Variants in CTNNA3 observed in about 807,000 individuals in gnomAD.
The protein encoded by CTNNA3 is catenin alpha-3.
A neutral mutation model predicts 95.7 loss-of-function variants in CTNNA3; 76 were observed. That is an observed-to-expected ratio of 0.79 (90% CI 0.66 to 0.96). CTNNA3 has a LOEUF of 0.96. Ranked by LOEUF, CTNNA3 falls within the 40% of genes least tolerant of loss-of-function variation. The pLI is 0.00. For synonymous variants in CTNNA3, 431 were observed against 374.4 expected, an observed-to-expected ratio of 1.15 and a Z score of -1.74; for missense variants, 1,191 against 1,089.8, an observed-to-expected ratio of 1.09 and a Z score of -1.31.
intron 11 of CTNNA3, among the ~76,000 whole-genome samples, chr10:66,454,715 T>A (rs4745898): frequency 0.39 from 58,872 of 151,078 alleles, 12,171 homozygotes; most frequent in African/African-American, 0.53. Context: ...ACACTTTCCA[T>A]TTCATTTTAT....
intron 3 of CTNNA3, among the ~76,000 whole-genome samples, chr10:67,563,568 G>T (rs1589431105): frequency 6.6e-6 from 1 of 152,122 alleles, no homozygotes. Context: ...TTACCATTCA[G>T]GACATAGGCA....
intron 14 of CTNNA3, among the ~76,000 whole-genome samples, chr10:66,082,854 A>T (rs2080815975): frequency 6.6e-6 from 1 of 152,122 alleles, no homozygotes. Context: ...GATGGGCCCC[A>T]TCTGTCCTTT....
At chr10:67,230,105 T>C (rs867205542) in intron 5 of CTNNA3, among the ~76,000 whole-genome samples, 1 of 152,158 alleles carries the variant, frequency 6.6e-6, no homozygotes, top group Non-Finnish European at 1.5e-5. Flanking sequence ...AACAGAGTGG[T>C]ACTGGTATAA....
intron 16 of CTNNA3, among the ~76,000 whole-genome samples, chr10:65,986,085 C>T (rs778172707): frequency 1.3e-5 from 2 of 151,196 alleles, no homozygotes; most frequent in Non-Finnish European, 3.0e-5. Context: ...TGTAATAAAA[C>T]ATTGCTATTA....
chr10:66,826,050 G>A (rs1349569972), intron 7 of CTNNA3, among the ~76,000 whole-genome samples: 1 of 152,146 alleles, frequency 6.6e-6, no homozygotes, highest in African/African-American at 2.4e-5. Context: ...GGGGAGGAGT[G>A]AAAGGAACTT....
intron 7 of CTNNA3, among the ~76,000 whole-genome samples, chr10:66,893,443 C>T (rs1173996374): frequency 6.6e-6 from 1 of 151,388 alleles, no homozygotes; most frequent in African/African-American, 2.4e-5. Flanking sequence ...CAGAGAATTG[C>T]CAATAAAAGA....
At chr10:67,089,128 G>T (rs1035385518) in intron 7 of CTNNA3, among the ~76,000 whole-genome samples, 1 of 151,904 alleles carries the variant, frequency 6.6e-6, no homozygotes, top group African/African-American at 2.4e-5. Context: ...CCCCCCATAG[G>T]TTTTGCTATC....
At chr10:66,423,557 C>T (rs1047293316) in intron 11 of CTNNA3, among the ~76,000 whole-genome samples, 1 of 152,098 alleles carries the variant, frequency 6.6e-6, no homozygotes, top group Non-Finnish European at 1.5e-5. Flanking sequence ...CATTCCAACC[C>T]TAAGATAAAT....
At chr10:66,323,682 G>GGC (rs1237072960) in intron 12 of CTNNA3, among the ~76,000 whole-genome samples, 1 of 151,286 alleles carries the variant, frequency 6.6e-6, no homozygotes, top group African/African-American at 2.4e-5. Flanking sequence ...AGAAGAAGAG[G>GGC]GCAGTTCCCC....
At chr10:67,206,885 C>T (rs1863924614) in intron 6 of CTNNA3, among the ~76,000 whole-genome samples, 1 of 152,068 alleles carries the variant, frequency 6.6e-6, no homozygotes, top group South Asian at 2.1e-4. Context: ...AATCCCAGCA[C>T]TTTGGGAGGC....
intron 7 of CTNNA3, among the ~76,000 whole-genome samples, chr10:66,874,349 T>C (rs1035421951): frequency 6.6e-6 from 1 of 152,164 alleles, no homozygotes; most frequent in African/African-American, 2.4e-5. Context: ...ATTGAACCTC[T>C]TACAAGTTTT....
At chr10:66,763,599 C>T (rs1839712263) in intron 9 of CTNNA3, among the ~76,000 whole-genome samples, 1 of 152,138 alleles carries the variant, frequency 6.6e-6, no homozygotes, top group Admixed American at 6.6e-5. Flanking sequence ...ACCACAAATA[C>T]TTTGCTATTC....
At chr10:66,553,440 C>CT (rs35849546) in intron 10 of CTNNA3, among the ~76,000 whole-genome samples, 136,346 of 139,718 alleles carry the variant, frequency 0.98, 66,534 homozygotes, top group East Asian at 1. Context: ...TGAAGCATAT[C>CT]TTTTTTTTTT....
chr10:67,405,322 C>A (rs1417028876), intron 5 of CTNNA3, among the ~76,000 whole-genome samples: 1 of 152,072 alleles, frequency 6.6e-6, no homozygotes, highest in East Asian at 1.9e-4. Flanking sequence ...AAAACATACA[C>A]AGGCTAAAAA....
chr10:66,933,578 G>A (rs1050016599), intron 7 of CTNNA3, among the ~76,000 whole-genome samples: 1 of 152,086 alleles, frequency 6.6e-6, no homozygotes, highest in South Asian at 2.1e-4. Context: ...GGATTAGCAC[G>A]CATTCCAGGT....
intron 13 of CTNNA3, among the ~76,000 whole-genome samples, chr10:66,222,264 T>C (rs1277827781): frequency 6.6e-6 from 1 of 152,120 alleles, no homozygotes; most frequent in African/African-American, 2.4e-5. Context: ...CTTATGGAAA[T>C]GACACCCACC....
intron 5 of CTNNA3, among the ~76,000 whole-genome samples, chr10:67,255,298 A>AAAT (rs1443384377): frequency 7.0e-6 from 1 of 143,142 alleles, no homozygotes; most frequent in African/African-American, 2.5e-5. Flanking sequence ...TCCATCTCAA[A>AAAT]AATAAATAAA....
rs947262301 is a variant in CTNNA3, at chr10:67,126,704, G to A, written c.1047+53613C>T. On this transcript the variant is annotated intron_variant, in intron 7 of 17. Coordinates refer to ENST00000433211, the MANE Select transcript of CTNNA3 (RefSeq NM_013266.4). ...CTCTACTTTCAAAGTGTGGTTAAGA[G>A]ATAGGTGGTGGTTGAGAAACCTCCT... 2.0e-5 allele frequency among the ~76,000 whole-genome samples: 3 copies of A among 152,236 alleles called. No individual in the cohort carries two copies. The East Asian group carries it at 5.8e-4, about 29-fold the overall frequency.
chr10:66,430,010 T>C (rs1161392677), intron 11 of CTNNA3, among the ~76,000 whole-genome samples: 2 of 137,150 alleles, frequency 1.5e-5, no homozygotes, highest in Non-Finnish European at 1.6e-5. Context: ...AACCCCATCA[T>C]CTCAGTCGAA....
Sources: allele counts gnomAD v4.1 joint callset (sites outside exome capture counted in the v4.1 genomes callset), GRCh38; gene constraint gnomAD v4.1.1; transcripts MANE v1.5; gene names NCBI Gene and HGNC (gene_info 2026-07-23, HGNC 2026-07-21).